Variants in CPQ observed in about 807,000 individuals in gnomAD.
The protein encoded by CPQ is carboxypeptidase Q.
CPQ carries 37 observed loss-of-function variants against 45.7 expected under a neutral mutation model. That is an observed-to-expected ratio of 0.81 (90% CI 0.62 to 1.07). The LOEUF is 1.07. Among genes scored for constraint, CPQ ranks in the 50% least tolerant of loss-of-function variants. The pLI is 0.00. For missense variants in CPQ, 537 were observed against 572.9 expected, an observed-to-expected ratio of 0.94 and a Z score of 0.64; for synonymous variants, 186 against 205.8, an observed-to-expected ratio of 0.90 and a Z score of 0.82.
chr8:96,990,071 C>G (rs1208416281), intron 5 of CPQ, among the ~76,000 whole-genome samples: 2 of 152,132 alleles, frequency 1.3e-5, no homozygotes, highest in African/African-American at 4.8e-5. Context: ...TCACTCCCAC[C>G]TCTGAACCTT....
At chr8:97,099,699 T>A (rs1422873066) in intron 7 of CPQ, among the ~76,000 whole-genome samples, 2 of 152,176 alleles carry the variant, frequency 1.3e-5, no homozygotes, top group Admixed American at 6.5e-5. Flanking sequence ...CAAAACCTCT[T>A]AAAATGCTGT....
chr8:96,967,562 A>C (rs1018377700), intron 5 of CPQ, among the ~76,000 whole-genome samples: 2 of 152,232 alleles, frequency 1.3e-5, no homozygotes, highest in Non-Finnish European at 2.9e-5. Context: ...ATACCATGCA[A>C]AAGTGAATTG....
At chr8:96,927,665 A>G (rs1272559364) in intron 4 of CPQ, among the ~76,000 whole-genome samples, 5 of 152,140 alleles carry the variant, frequency 3.3e-5, no homozygotes, top group Non-Finnish European at 7.4e-5. Context: ...TGAAAACCCT[A>G]TGCTGTCTCA....
chr8:96,748,379 C>G (rs967725739), intron 1 of CPQ, among the ~76,000 whole-genome samples: 1 of 152,088 alleles, frequency 6.6e-6, no homozygotes, highest in Admixed American at 6.6e-5. Context: ...CACATCCAGC[C>G]AGGAATCCTT....
intron 4 of CPQ, among the ~76,000 whole-genome samples, chr8:96,927,716 A>T (rs973403844): frequency 6.6e-6 from 1 of 152,206 alleles, no homozygotes; most frequent in African/African-American, 2.4e-5. Flanking sequence ...CTCTCCTAGG[A>T]ATTAGAACAT....
At chr8:97,091,146 G>A (rs562457715) in intron 7 of CPQ, among the ~76,000 whole-genome samples, 39 of 152,264 alleles carry the variant, frequency 2.6e-4, no homozygotes, top group South Asian at 2.1e-4. Context: ...TAGACTGGGC[G>A]CTGTTGGGAA....
chr8:97,073,173 TCAGAATTTCA>T (rs1345876975), intron 7 of CPQ, among the ~76,000 whole-genome samples: 1 of 152,236 alleles, frequency 6.6e-6, no homozygotes, highest in Non-Finnish European at 1.5e-5. Flanking sequence ...CACAGATTAC[TCAGAATTTCA>T]CGTATTTTCC....
At chr8:97,028,105 A>G (rs999050851) in intron 5 of CPQ, among the ~76,000 whole-genome samples, 34 of 152,230 alleles carry the variant, frequency 2.2e-4, no homozygotes, top group African/African-American at 8.0e-4. Context: ...TTGCTTGTCC[A>G]TGTTTTAACT....
chr8:96,917,666 CAAG>C (rs766133056), intron 4 of CPQ, among the ~76,000 whole-genome samples: 3 of 152,090 alleles, frequency 2.0e-5, no homozygotes, highest in Non-Finnish European at 4.4e-5. Context: ...GCTGAAAGAA[CAAG>C]AAGATGTATG....
intron 5 of CPQ, among the ~76,000 whole-genome samples, chr8:96,972,969 C>T (rs1433042113): frequency 6.6e-6 from 1 of 152,068 alleles, no homozygotes; most frequent in Non-Finnish European, 1.5e-5. Context: ...TATGAGAAAA[C>T]AAGTTTCTTT....
chr8:96,661,645 A>G (rs1815703289), intron 1 of CPQ, among the ~76,000 whole-genome samples: 1 of 152,164 alleles, frequency 6.6e-6, no homozygotes, highest in Non-Finnish European at 1.5e-5. Flanking sequence ...TCTGAATAAT[A>G]TTCCATTGTC....
chr8:96,731,733 G>A (rs1375807718), intron 1 of CPQ, among the ~76,000 whole-genome samples: 1 of 152,164 alleles, frequency 6.6e-6, no homozygotes. Flanking sequence ...GTTGAGGTGG[G>A]AAGGAGTTCT....
At chr8:97,045,064 T>C (rs939028309) in intron 6 of CPQ, among the ~76,000 whole-genome samples, 2 of 152,206 alleles carry the variant, frequency 1.3e-5, no homozygotes, top group African/African-American at 2.4e-5. Context: ...GCTGTCTTTT[T>C]GTTTGTCTGT....
rs952766665 is a variant in CPQ, at chr8:97,138,188, C to T, written c.1256-4832C>T. The stretch of plus-strand genomic sequence containing the variant: ...TCAGCCTGACATTTAGGACCTTCCA[C>T]AGGTAGTTGCCAACTTTATCTGCCA... On this transcript the variant is annotated intron_variant, in intron 7 of 7. Transcript: ENST00000220763. Among the ~76,000 whole-genome samples, 4 of 152,320 alleles carry T rather than the reference C, an allele frequency of 2.6e-5. No homozygotes were observed. In the East Asian group the frequency reaches 7.7e-4, roughly 29 times the overall value.
intron 1 of CPQ, among the ~76,000 whole-genome samples, chr8:96,712,605 T>G (rs1425027886): frequency 2.6e-5 from 4 of 152,334 alleles, no homozygotes; most frequent in Non-Finnish European, 5.9e-5. Context: ...AGCAACAGCC[T>G]GAGCTGTACT....
At chr8:96,751,000 T>C (rs147392971) in intron 1 of CPQ, among the ~76,000 whole-genome samples, 6,433 of 152,328 alleles carry the variant, frequency 0.042, 179 homozygotes, top group Middle Eastern at 0.1. Flanking sequence ...TATTCCATTA[T>C]GTATATGTAC....
chr8:96,682,498 T>C (rs542304060), intron 1 of CPQ, among the ~76,000 whole-genome samples: 1 of 152,340 alleles, frequency 6.6e-6, no homozygotes, highest in Admixed American at 6.5e-5. Context: ...CTTTTGTAAG[T>C]TGCCTAGTCT....
At position 96,826,471 on chromosome 8, in the gene CPQ, G is replaced by A. The variant is rs181097777; in HGVS notation, c.434-8502G>A. On this transcript the variant is annotated intron_variant, in intron 2 of 7. Coordinates refer to ENST00000220763, the MANE Select transcript of CPQ (RefSeq NM_016134.4). ...AAAACCAAGCTTTAATTCTTGTTCT[G>A]TATATATATATACATATATCTGCCG... Among the ~76,000 whole-genome samples the A allele has an allele frequency of 6.6e-5, 10 of 151,630 alleles. No individual in the cohort carries two copies. In the East Asian group the frequency reaches 1.6e-3, roughly 24 times the overall value.
intron 4 of CPQ, among the ~76,000 whole-genome samples, chr8:96,912,450 A>C (rs1812677493): frequency 6.6e-6 from 1 of 152,332 alleles, no homozygotes; most frequent in East Asian, 1.9e-4. Flanking sequence ...ATGTCAGAAA[A>C]AAAGTCTCAA....
Sources: allele counts gnomAD v4.1 joint callset (sites outside exome capture counted in the v4.1 genomes callset), GRCh38; gene constraint gnomAD v4.1.1; transcripts MANE v1.5; gene names NCBI Gene and HGNC (gene_info 2026-07-23, HGNC 2026-07-21).